Variants in MAPK10 observed in about 807,000 individuals in gnomAD.
MAPK10 encodes the protein mitogen-activated protein kinase 10.
MAPK10 carries 25 observed loss-of-function variants against 59.3 expected under a neutral mutation model. The observed-to-expected ratio is 0.42, with a 90% confidence interval of 0.31 to 0.59. The LOEUF is 0.59. MAPK10 is among the 20% of genes least tolerant of loss of function. MAPK10 has a pLI of 0.15. For synonymous variants in MAPK10, 190 were observed against 200.5 expected (o/e 0.95, Z 0.44); for missense variants, 351 against 568.9 (o/e 0.62, Z 3.90).
At chr4:86,363,219 A>G (rs1170878414), upstream of MAPK10, among the ~76,000 whole-genome samples, 1 of 152,210 alleles carries the variant, frequency 6.6e-6, no homozygotes, top group Non-Finnish European at 1.5e-5. Flanking sequence ...CTGCTTACAT[A>G]GCATTTACTT....
chr4:86,428,992 G>T (rs931523962), intron 1 of MAPK10, among the ~76,000 whole-genome samples: 1 of 152,022 alleles, frequency 6.6e-6, no homozygotes, highest in Non-Finnish European at 1.5e-5. Flanking sequence ...TTCTGTTTTT[G>T]TTTTTAGCAT....
chr4:86,489,052 G>A (rs1754254968), intron 1 of MAPK10, among the ~76,000 whole-genome samples: 1 of 152,128 alleles, frequency 6.6e-6, no homozygotes, highest in Non-Finnish European at 1.5e-5. Context: ...GGCCACTGGA[G>A]GAGAACCAAG....
chr4:86,555,259 A>G (rs1318043425), intron 1 of MAPK10, among the ~76,000 whole-genome samples: 1 of 152,130 alleles, frequency 6.6e-6, no homozygotes, highest in Non-Finnish European at 1.5e-5. Context: ...CAGGCTGACC[A>G]ATATGGTGAA....
At chr4:86,590,709 A>G (rs1228568147) in intron 1 of MAPK10, among the ~76,000 whole-genome samples, 1 of 151,996 alleles carries the variant, frequency 6.6e-6, no homozygotes, top group East Asian at 1.9e-4. Flanking sequence ...TAGCTTGAGC[A>G]TAGGAGGTTG....
At chr4:86,196,260 C>G (rs12500023) in intron 2 of MAPK10, among the ~76,000 whole-genome samples, 12,934 of 152,170 alleles carry the variant, frequency 0.085, 1,222 homozygotes, top group African/African-American at 0.23. Context: ...GATGGTCATT[C>G]TAACTGGCAT....
At chr4:86,555,364 T>C (rs1760180961) in intron 1 of MAPK10, among the ~76,000 whole-genome samples, 1 of 152,138 alleles carries the variant, frequency 6.6e-6, no homozygotes, top group Non-Finnish European at 1.5e-5. Flanking sequence ...GAGAATTGCT[T>C]GAACCTAGGA....
At chr4:86,029,434 G>A in intron 12 of MAPK10, 160 bp from the exon 13 acceptor site, 1 of 591,816 alleles carries the variant, frequency 1.7e-6, no homozygotes, top group Non-Finnish European at 3.0e-6. Flanking sequence ...ATATTGCCTT[G>A]TAATTAGCAG....
intron 1 of MAPK10, among the ~76,000 whole-genome samples, chr4:86,468,146 G>A (rs1229485929): frequency 6.6e-6 from 1 of 152,156 alleles, no homozygotes; most frequent in African/African-American, 2.4e-5. Flanking sequence ...CTGGCTCCAA[G>A]GTAAAACATT....
rs555025453 is a variant in MAPK10, at chr4:86,469,636, A to G, written c.-262-114992T>C. 2.0e-5 allele frequency among the ~76,000 whole-genome samples: 3 copies of G among 152,354 alleles called. No homozygotes were observed. In the South Asian group the frequency reaches 6.2e-4, roughly 32 times the overall value. On this transcript the variant is annotated intron_variant, in intron 1 of 4. Transcript: ENST00000502302. ...ATAGTAAATACCTCCTACTATGGTTATTTATATATGCAAACAAATACATGT... is the reference window on the plus strand; with the variant it reads ...ATAGTAAATACCTCCTACTATGGTTGTTTATATATGCAAACAAATACATGT...
intron 4 of MAPK10, among the ~76,000 whole-genome samples, chr4:86,115,782 A>G (rs948656474): frequency 5.3e-5 from 8 of 152,146 alleles, no homozygotes; most frequent in Non-Finnish European, 1.0e-4. Context: ...CTAATCAGCC[A>G]TCTTGGCTCC....
intron 4 of MAPK10, among the ~76,000 whole-genome samples, chr4:86,151,702 C>T (rs745989006): frequency 1.3e-5 from 2 of 151,920 alleles, no homozygotes; most frequent in African/African-American, 4.8e-5. Context: ...GAGAGATGTC[C>T]ATAAAAAGAT....
chr4:86,549,493 G>T (rs1374648024), intron 1 of MAPK10, among the ~76,000 whole-genome samples: 4 of 152,146 alleles, frequency 2.6e-5, no homozygotes, highest in Non-Finnish European at 5.9e-5. Flanking sequence ...AAAAAGATAA[G>T]AAAGGGTATA....
chr4:86,251,102 G>T (rs2093392568), intron 2 of MAPK10, among the ~76,000 whole-genome samples: 1 of 152,050 alleles, frequency 6.6e-6, no homozygotes, highest in South Asian at 2.1e-4. Flanking sequence ...AAATCACTGA[G>T]GCAGGATTGC....
chr4:86,190,039 T>C (rs1234702453), intron 3 of MAPK10, among the ~76,000 whole-genome samples: 3 of 152,196 alleles, frequency 2.0e-5, no homozygotes, highest in Non-Finnish European at 2.9e-5. Flanking sequence ...GTTTCTGTGA[T>C]GGATTACATT....
At chr4:86,286,354 A>G (rs764984417) in intron 2 of MAPK10, among the ~76,000 whole-genome samples, 1 of 152,176 alleles carries the variant, frequency 6.6e-6, no homozygotes, top group African/African-American at 2.4e-5. Flanking sequence ...CGTTATTCTC[A>G]TAGAGATTCT....
intron 3 of MAPK10, among the ~76,000 whole-genome samples, chr4:86,170,414 G>T (rs1044447644): frequency 1.3e-5 from 2 of 152,142 alleles, no homozygotes; most frequent in Non-Finnish European, 2.9e-5. Context: ...TACAATCCTA[G>T]TCTCTGATAA....
chr4:86,569,708 C>A (rs917928023), intron 1 of MAPK10, among the ~76,000 whole-genome samples: 1 of 152,048 alleles, frequency 6.6e-6, no homozygotes, highest in Non-Finnish European at 1.5e-5. Flanking sequence ...AACAGAAAAT[C>A]AAAAACCACA....
At chr4:86,418,653 C>T (rs1233982789) in intron 1 of MAPK10, among the ~76,000 whole-genome samples, 1 of 152,142 alleles carries the variant, frequency 6.6e-6, no homozygotes, top group Non-Finnish European at 1.5e-5. Flanking sequence ...TTTGCAAGAC[C>T]TATTCAAGAA....
intron 9 of MAPK10, among the ~76,000 whole-genome samples, chr4:86,088,994 CTT>C (rs1180541931): frequency 1.3e-5 from 2 of 152,156 alleles, no homozygotes; most frequent in Non-Finnish European, 2.9e-5. Context: ...CAGGTTGACT[CTT>C]TCATATTTGT....
Sources: gnomAD v4.1 joint callset for allele counts (sites outside exome capture counted in the v4.1 genomes callset) on GRCh38, gnomAD v4.1.1 for gene constraint, MANE v1.5 for transcripts, NCBI Gene and HGNC (gene_info 2026-07-23, HGNC 2026-07-21) for gene names.